Variants in GPHN observed in about 807,000 individuals in gnomAD.
The protein encoded by GPHN is gephyrin.
GPHN carries 17 observed loss-of-function variants against 95.5 expected under a neutral mutation model. That is an observed-to-expected ratio of 0.18 (90% confidence interval 0.12 to 0.27). GPHN has a LOEUF of 0.27. Ranked by LOEUF, GPHN falls within the 10% of genes least tolerant of loss-of-function variation. The pLI is 1.00. For synonymous variants in GPHN, 320 were observed against 322.5 expected, an observed-to-expected ratio of 0.99 and a Z score of 0.08; for missense variants, 660 against 978.1, an observed-to-expected ratio of 0.67 and a Z score of 4.34.
At chr14:67,582,091 A>C in the GPHN span, 8 of 1,612,240 alleles carry the variant, frequency 5.0e-6, no homozygotes, top group African/African-American at 1.3e-5. This position sits in a 1 kb window ranked among gnomAD's most constrained non-coding sequence, Gnocchi z 5.0. Context: ...CAGTCAAGTC[A>C]AAGGGGAGAC....
At chr14:67,671,763 T>A in the GPHN span, among the ~76,000 whole-genome samples, 1 of 152,144 alleles carries the variant, frequency 6.6e-6, no homozygotes, top group Non-Finnish European at 1.5e-5. Flanking sequence ...TCAAGGGCCT[T>A]CTTGCTACCC....
the GPHN span, among the ~76,000 whole-genome samples, chr14:67,433,950 G>T: frequency 1.3e-5 from 2 of 152,188 alleles, no homozygotes; most frequent in African/African-American, 4.8e-5. Flanking sequence ...TCAGAGACAG[G>T]ATGGACGGAT....
intron 6 of GPHN, among the ~76,000 whole-genome samples, chr14:66,921,239 C>T (rs947868324): frequency 4.6e-5 from 7 of 152,088 alleles, no homozygotes; most frequent in East Asian, 3.9e-4. Context: ...CCCTGTTTAC[C>T]GCATCCATGC....
chr14:66,733,346 T>C (rs574997750), intron 2 of GPHN, among the ~76,000 whole-genome samples: 68 of 152,104 alleles, frequency 4.5e-4, no homozygotes, highest in African/African-American at 1.6e-3. Context: ...CAAGTATATC[T>C]TTATAACAGT....
At chr14:67,331,765 A>C in the GPHN span, among the ~76,000 whole-genome samples, 1 of 152,178 alleles carries the variant, frequency 6.6e-6, no homozygotes, top group African/African-American at 2.4e-5. Flanking sequence ...AATACCACAA[A>C]GTTTCAGTTC....
chr14:67,222,999 C>CTTTT, the GPHN span, among the ~76,000 whole-genome samples: 7 of 124,800 alleles, frequency 5.6e-5, no homozygotes, highest in African/African-American at 9.3e-5. Context: ...TCCCATTGGG[C>CTTTT]TTTTTTTTTT....
At chr14:66,743,536 A>T (rs1240911868) in intron 2 of GPHN, among the ~76,000 whole-genome samples, 1 of 151,878 alleles carries the variant, frequency 6.6e-6, no homozygotes, top group African/African-American at 2.4e-5. Context: ...GGAGATCGAG[A>T]CCATCCTGGC....
chr14:67,272,112 CA>C, the GPHN span: 1 of 151,734 alleles, frequency 6.6e-6, no homozygotes, highest in Admixed American at 6.6e-5. Context: ...AGTATCTAGC[CA>C]GGGGTAAATA....
the GPHN span, chr14:67,686,323 T>C: frequency 6.6e-6 from 1 of 152,146 alleles, no homozygotes; most frequent in Admixed American, 6.6e-5. Context: ...AATGAGTTCA[T>C]ATATGTTAAA....
the GPHN span, chr14:67,533,315 A>AGCGACGCAAGGTCGCT: frequency 6.6e-6 from 1 of 151,610 alleles, no homozygotes; most frequent in Non-Finnish European, 1.5e-5. Flanking sequence ...CTCCGGCGAG[A>AGCGACGCAAGGTCGCT]GCGACGCAAG....
intron 9 of GPHN, among the ~76,000 whole-genome samples, chr14:66,981,154 G>A (rs1364530498): frequency 2.0e-5 from 3 of 152,118 alleles, no homozygotes; most frequent in Non-Finnish European, 4.4e-5. Flanking sequence ...CTTACTCTTT[G>A]CAACTTTCCT....
At chr14:66,520,178 T>A (rs1038122941) in intron 1 of GPHN, among the ~76,000 whole-genome samples, 1 of 152,158 alleles carries the variant, frequency 6.6e-6, no homozygotes, top group Non-Finnish European at 1.5e-5. Context: ...GATAATAATA[T>A]TATACATTTA....
At chr14:67,329,865 AATAAATAAATAAATAG>A in the GPHN span, among the ~76,000 whole-genome samples, 3 of 110,584 alleles carry the variant, frequency 2.7e-5, no homozygotes, top group African/African-American at 1.1e-4. Context: ...TAAATAAATA[AATAAATAAATAAATAG>A]ATATAGAAAC....
At chr14:66,901,060 T>C (rs551602897) in intron 5 of GPHN, among the ~76,000 whole-genome samples, 68 of 152,254 alleles carry the variant, frequency 4.5e-4, no homozygotes, top group Middle Eastern at 3.4e-3. Flanking sequence ...TGTTACTGCC[T>C]GTCTTTTTGA....
chr14:67,052,113 A>G (rs2153644231), intron 10 of GPHN, among the ~76,000 whole-genome samples: 1 of 152,308 alleles, frequency 6.6e-6, no homozygotes, highest in African/African-American at 2.4e-5. Flanking sequence ...AAATATATTA[A>G]CCTTAAATGT....
At chr14:67,462,990 G>T in the GPHN span, among the ~76,000 whole-genome samples, 1 of 152,206 alleles carries the variant, frequency 6.6e-6, no homozygotes, top group Non-Finnish European at 1.5e-5. Context: ...ATCCTGATTT[G>T]CCTGGTTTTG....
chr14:67,076,040 A>G (rs1051735591), intron 11 of GPHN, among the ~76,000 whole-genome samples: 2 of 152,176 alleles, frequency 1.3e-5, no homozygotes, highest in Non-Finnish European at 2.9e-5. Context: ...ATTGCATGCT[A>G]CAGAGATATC....
At position 67,169,092 on chromosome 14, in the gene GPHN, A is replaced by G. The variant is rs116568307; in HGVS notation, c.2079+56A>G. The G allele has an allele frequency of 3.9e-3, 3,991 of 1,011,292 alleles. 69 individuals are homozygous for G. The African/African-American group carries it at 0.049, about 12-fold the overall frequency. The allele number at this position is 1,011,292 out of a possible 1,614,324, so 62.6% of individuals were successfully genotyped here. A position where few individuals can be genotyped will look rare whatever the true frequency, so the allele number is the denominator to read the frequency against. On this transcript the variant is annotated intron_variant, in intron 21 of 22. Coordinates refer to ENST00000478722, the MANE Select transcript of GPHN (RefSeq NM_020806.5). Reference sequence around the variant, plus strand: ...TGGAAGCCTGGTAACAGTTAGGGATATGATTTCCTAACTGTCCAAAATAAA... The same window carrying G: ...TGGAAGCCTGGTAACAGTTAGGGATGTGATTTCCTAACTGTCCAAAATAAA...
chr14:67,232,316 G>A, the GPHN span, among the ~76,000 whole-genome samples: 1 of 152,164 alleles, frequency 6.6e-6, no homozygotes, highest in Non-Finnish European at 1.5e-5. Flanking sequence ...AAGAAACAGA[G>A]GCCAAGTCTT....
Sources: allele counts gnomAD v4.1 joint callset (sites outside exome capture counted in the v4.1 genomes callset), GRCh38; gene constraint gnomAD v4.1.1; non-coding constraint Gnocchi (gnomAD v3.1); transcripts MANE v1.5; gene names NCBI Gene and HGNC (gene_info 2026-07-23, HGNC 2026-07-21).